PDZRN4: variants seen among roughly 807,000 people sequenced by gnomAD.
PDZRN4 encodes the protein PDZ domain containing ring finger 4.
A neutral mutation model predicts 99.0 loss-of-function variants in PDZRN4; 70 were observed. The ratio of observed to expected loss-of-function variants is 0.71; its 90% CI spans 0.58 to 0.86. The LOEUF is 0.86. Among genes scored for constraint, PDZRN4 ranks in the 40% least tolerant of loss-of-function variants. The pLI, the probability that PDZRN4 is intolerant of heterozygous loss-of-function variation, is 0.00. For missense variants in PDZRN4, 1,474 were observed against 1,331.2 expected (o/e 1.11, Z -1.67); for synonymous variants, 551 against 501.6 (o/e 1.10, Z -1.32).
chr12:41,334,508 T>G (rs1323531773), intron 3 of PDZRN4, among the ~76,000 whole-genome samples: 2 of 152,044 alleles, frequency 1.3e-5, no homozygotes, highest in Admixed American at 6.6e-5. Context: ...ATCACCTCCT[T>G]ATCTCCAAAT....
chr12:41,245,879 C>T (rs1006956989), intron 3 of PDZRN4, among the ~76,000 whole-genome samples: 4 of 152,126 alleles, frequency 2.6e-5, no homozygotes, highest in Non-Finnish European at 4.4e-5. Flanking sequence ...CAGAACAATG[C>T]CTGGGCTACA....
In PDZRN4 at chr12:41,420,150, C is replaced by T. The variant is rs187562634; in HGVS notation, c.844-86306C>T. On this transcript the variant is annotated intron_variant, in intron 3 of 9. Coordinates refer to ENST00000402685, the MANE Select transcript of PDZRN4 (RefSeq NM_001164595.2). ...TTCATTCAAATCTCTGTTCTTCTCACACTGCTAAATTGTCCATATCTTTAG... is the reference window on the plus strand; with the variant it reads ...TTCATTCAAATCTCTGTTCTTCTCATACTGCTAAATTGTCCATATCTTTAG... Among the ~76,000 whole-genome samples, 6 of 152,288 alleles carry T rather than the reference C, an allele frequency of 3.9e-5. No individual in the cohort carries two copies. In the East Asian group the frequency reaches 1.2e-3, roughly 29 times the overall value.
At chr12:41,468,353 C>T (rs1247219078) in intron 3 of PDZRN4, among the ~76,000 whole-genome samples, 2 of 152,158 alleles carry the variant, frequency 1.3e-5, no homozygotes, top group African/African-American at 2.4e-5. Context: ...CTCTTTCTCA[C>T]CCATACATAG....
chr12:41,195,029 T>C (rs1037438721), intron 3 of PDZRN4, among the ~76,000 whole-genome samples: 15 of 152,252 alleles, frequency 9.9e-5, no homozygotes, highest in African/African-American at 3.6e-4. Context: ...TTTCTCTTTG[T>C]TGTGAAAACC....
chr12:41,446,709 GT>G (rs1251434274), intron 3 of PDZRN4, among the ~76,000 whole-genome samples: 2 of 151,978 alleles, frequency 1.3e-5, no homozygotes, highest in African/African-American at 4.8e-5. Flanking sequence ...TTAGAAGAAA[GT>G]GTGGAAAGGT....
At chr12:41,536,279 T>A (rs1176984124) in intron 5 of PDZRN4, among the ~76,000 whole-genome samples, 1 of 152,098 alleles carries the variant, frequency 6.6e-6, no homozygotes, top group Non-Finnish European at 1.5e-5. Context: ...TGTCAAGCCA[T>A]GAAAAAACAT....
chr12:41,481,766 T>G (rs969512061), intron 3 of PDZRN4, among the ~76,000 whole-genome samples: 1 of 152,112 alleles, frequency 6.6e-6, no homozygotes, highest in African/African-American at 2.4e-5. Flanking sequence ...ATCTTTTTTA[T>G]GTACATGTCC....
intron 7 of PDZRN4, 40 bp downstream of exon 7, chr12:41,555,800 G>T (rs765151858): frequency 2.8e-6 from 4 of 1,450,228 alleles, no homozygotes; most frequent in African/African-American, 1.4e-5. Context: ...CCCACGATCT[G>T]TCCAAAGTTA....
intron 3 of PDZRN4, among the ~76,000 whole-genome samples, chr12:41,300,424 CTT>C (rs1212602317): frequency 6.6e-6 from 1 of 151,842 alleles, no homozygotes; most frequent in African/African-American, 2.4e-5. Flanking sequence ...TAAAATAACT[CTT>C]AATTATATTT....
At chr12:41,480,619 C>A (rs1387143685) in intron 3 of PDZRN4, among the ~76,000 whole-genome samples, 1 of 152,080 alleles carries the variant, frequency 6.6e-6, no homozygotes, top group Non-Finnish European at 1.5e-5. Flanking sequence ...ATAAACAAAT[C>A]AACATTGCTA....
intron 3 of PDZRN4, among the ~76,000 whole-genome samples, chr12:41,277,758 T>C (rs1951359205): frequency 6.6e-6 from 1 of 152,176 alleles, no homozygotes; most frequent in African/African-American, 2.4e-5. Context: ...TGCTCTTTGG[T>C]GTGTAGGAAA....
At chr12:41,354,940 T>C (rs1951915890) in intron 3 of PDZRN4, among the ~76,000 whole-genome samples, 1 of 152,062 alleles carries the variant, frequency 6.6e-6, no homozygotes, top group South Asian at 2.1e-4. Context: ...TCCATGTTAC[T>C]GTAATGCAGT....
chr12:41,210,463 G>T lies in PDZRN4; in HGVS notation c.843+16275G>T, dbSNP rs191639052. 5.9e-5 allele frequency among the ~76,000 whole-genome samples: 9 copies of T among 151,926 alleles called. No homozygotes were observed. In the East Asian group the frequency reaches 1.7e-3, roughly 30 times the overall value. ...TGTTAAATTATTATTGATATCTTTT[G>T]GAAGGGAAGTGTTAAAATATACTTA... On this transcript the variant is annotated intron_variant, in intron 3 of 9. Coordinates refer to ENST00000402685, the MANE Select transcript of PDZRN4 (RefSeq NM_001164595.2).
At chr12:41,463,870 G>T (rs1565589658) in intron 3 of PDZRN4, among the ~76,000 whole-genome samples, 1 of 152,090 alleles carries the variant, frequency 6.6e-6, no homozygotes, top group Non-Finnish European at 1.5e-5. Context: ...GTAGTTAAAG[G>T]TCTAGTCTCA....
At chr12:41,475,293 T>A (rs952894814) in intron 3 of PDZRN4, among the ~76,000 whole-genome samples, 1 of 152,184 alleles carries the variant, frequency 6.6e-6, no homozygotes. Context: ...ATATTTCTCT[T>A]TTTTCTGGAG....
At chr12:41,433,120 G>T (rs543568510) in intron 3 of PDZRN4, among the ~76,000 whole-genome samples, 1 of 152,178 alleles carries the variant, frequency 6.6e-6, no homozygotes, top group East Asian at 1.9e-4. Context: ...AATACATAAA[G>T]TTTACATCTT....
rs149507897 is a variant in PDZRN4, at chr12:41,506,360, G to A, written c.844-96G>A. 286 of 1,118,278 alleles carry A rather than the reference G, an allele frequency of 2.6e-4. 3 individuals carry two copies. In the African/African-American group the frequency reaches 4.0e-3, roughly 16 times the overall value. The allele number at this position is 1,118,278 out of a possible 1,614,324, so 69.3% of individuals were successfully genotyped here. A position where few individuals can be genotyped will look rare whatever the true frequency, so the allele number is the denominator to read the frequency against. ...ATTCCATTACAAAATTCATATCAGGGCTGGTTGAAACCTTTCTCTCTGTCT... is the reference window on the plus strand; with the variant it reads ...ATTCCATTACAAAATTCATATCAGGACTGGTTGAAACCTTTCTCTCTGTCT... On this transcript the variant is annotated intron_variant, in intron 3 of 9. Coordinates refer to ENST00000402685, the MANE Select transcript of PDZRN4 (RefSeq NM_001164595.2).
chr12:41,246,329 T>C (rs1206369102), intron 3 of PDZRN4, among the ~76,000 whole-genome samples: 1 of 152,192 alleles, frequency 6.6e-6, no homozygotes, highest in African/African-American at 2.4e-5. Context: ...CAGTTAATTG[T>C]ACAGTTGATG....
intron 3 of PDZRN4, among the ~76,000 whole-genome samples, chr12:41,223,541 C>G (rs1007419677): frequency 2.6e-5 from 4 of 152,318 alleles, no homozygotes; most frequent in African/African-American, 9.6e-5. Flanking sequence ...AAAGTGTAAT[C>G]TTTTGCATTC....
Sources: gnomAD v4.1 joint callset for allele counts (sites outside exome capture counted in the v4.1 genomes callset) on GRCh38, gnomAD v4.1.1 for gene constraint, MANE v1.5 for transcripts, NCBI Gene and HGNC (gene_info 2026-07-23, HGNC 2026-07-21) for gene names.